The following BLK variants were observed in gnomAD, a reference collection of about 807,000 sequenced individuals.
BLK encodes the protein BLK proto-oncogene, Src family tyrosine kinase.
In BLK, 64 loss-of-function variants were observed where a neutral mutation model predicts 61.8. The observed-to-expected ratio is 1.03, with a 90% CI of 0.85 to 1.27. The LOEUF is 1.27. Among genes scored for constraint, BLK ranks in the 50% most tolerant of loss-of-function variants. The pLI, the probability that BLK is intolerant of heterozygous loss-of-function variation, is 0.00. For missense variants in BLK, 853 were observed against 660.5 expected (o/e 1.29, Z -3.19); for synonymous variants, 351 against 272.0 (o/e 1.29, Z -2.86).
At chr8:11,529,673 T>G (rs985439021) in intron 1 of BLK, among the ~76,000 whole-genome samples, 31 of 152,216 alleles carry the variant, frequency 2.0e-4, no homozygotes, top group Admixed American at 9.2e-4. Context: ...AGGGTTCTTC[T>G]GGAATGCGCT....
chr8:11,512,484 C>G (rs1369882232), intron 1 of BLK, among the ~76,000 whole-genome samples: 2 of 152,150 alleles, frequency 1.3e-5, no homozygotes, highest in Non-Finnish European at 2.9e-5. Context: ...TCAATTGGGT[C>G]TCAACAGAGA....
chr8:11,506,089 G>C (rs999984129), intron 1 of BLK, among the ~76,000 whole-genome samples: 1 of 152,228 alleles, frequency 6.6e-6, no homozygotes, highest in Non-Finnish European at 1.5e-5. Flanking sequence ...GGTGCACGTG[G>C]CTCTTCATCC....
At chr8:11,522,290 G>A (rs1799483685) in intron 1 of BLK, among the ~76,000 whole-genome samples, 1 of 152,018 alleles carries the variant, frequency 6.6e-6, no homozygotes, top group African/African-American at 2.4e-5. Flanking sequence ...ATATAATCAA[G>A]GGAAACAAAT....
intron 10 of BLK, chr8:11,558,613 T>C (rs2467518): frequency 1 from 454,501 of 454,862 alleles, 227,071 homozygotes; most frequent in Middle Eastern, 1. Context: ...TGGACCTCCT[T>C]GGCTACCCAG....
chr8:11,539,947 A>G (rs1476627362), intron 1 of BLK, among the ~76,000 whole-genome samples: 2 of 152,230 alleles, frequency 1.3e-5, no homozygotes, highest in African/African-American at 4.8e-5. Flanking sequence ...TATTATGAAT[A>G]CACATTTATC....
At chr8:11,557,829 A>C in intron 9 of BLK, 133 bp from the exon 10 acceptor site, 1 of 740,546 alleles carries the variant, frequency 1.4e-6, no homozygotes, top group Non-Finnish European at 2.4e-6. Flanking sequence ...ATCCTTCCTG[A>C]TGCACCGAGA....
intron 7 of BLK, 64 bp from the exon 8 acceptor site, chr8:11,555,267 AG>A: frequency 6.2e-7 from 1 of 1,608,184 alleles, no homozygotes; most frequent in East Asian, 2.2e-5. Context: ...GGAATGATAC[AG>A]CTCCCAAGGT....
At position 11,550,189 on chromosome 8, in the gene BLK, G is replaced by T. The variant is rs956730553; in HGVS notation, c.399G>T (p.Glu133Asp). ...RWFFRSQGRKEAERQLLAPIN... is the reference protein window; with the variant it reads ...RWFFRSQGRKDAERQLLAPIN... ...TCTTTAGATCACAGGGTCGGAAGGAGGCTGAGAGGCAGCTTCTTGCTCCAA... is the reference window on the plus strand; with the variant it reads ...TCTTTAGATCACAGGGTCGGAAGGATGCTGAGAGGCAGCTTCTTGCTCCAA... Residue 133 changes from glutamate to aspartate, a missense_variant, in exon 6 of 13, where the codon GAG becomes GAT. Coordinates refer to ENST00000259089, the MANE Select transcript of BLK (RefSeq NM_001715.3). 1 of 1,614,186 alleles carries T rather than the reference G, an allele frequency of 6.2e-7. No individual in the cohort carries two copies. Among genetic ancestry groups the T allele is most frequent in the Non-Finnish European group, 8.5e-7 (1 of 1,180,034 alleles).
At chr8:11,533,572 C>T (rs1799982892) in intron 1 of BLK, among the ~76,000 whole-genome samples, 1 of 143,268 alleles carries the variant, frequency 7.0e-6, no homozygotes, top group African/African-American at 2.6e-5. Flanking sequence ...TCAGTTTCTT[C>T]CCTGTCTGCC....
chr8:11,530,171 G>A (rs914843751), intron 1 of BLK, among the ~76,000 whole-genome samples: 1 of 152,100 alleles, frequency 6.6e-6, no homozygotes, highest in Non-Finnish European at 1.5e-5. Flanking sequence ...GGCTTTGCTG[G>A]AATTTTTTTC....
intron 1 of BLK, among the ~76,000 whole-genome samples, chr8:11,508,737 A>C (rs1798877890): frequency 6.6e-6 from 1 of 152,220 alleles, no homozygotes; most frequent in African/African-American, 2.4e-5. Context: ...CAGCCACTGT[A>C]GTGTCAGCTG....
intron 1 of BLK, among the ~76,000 whole-genome samples, chr8:11,500,503 T>C (rs1164363087): frequency 6.6e-6 from 1 of 151,720 alleles, no homozygotes; most frequent in African/African-American, 2.4e-5. Context: ...GCCTGTTTTT[T>C]TGTTTTGTTT....
chr8:11,561,517 C>A, intron 11 of BLK, 65 bp downstream of exon 11: 7 of 1,576,376 alleles, frequency 4.4e-6, no homozygotes, highest in African/African-American at 1.4e-5. Context: ...CTCAAAGCCG[C>A]CTTTAACTTC....
At chr8:11,522,573 A>T (rs1282914364) in intron 1 of BLK, among the ~76,000 whole-genome samples, 24 of 152,166 alleles carry the variant, frequency 1.6e-4, no homozygotes, top group Admixed American at 1.6e-3. Flanking sequence ...CAGGGAATGT[A>T]TGAGGTTGCC....
intron 1 of BLK, among the ~76,000 whole-genome samples, chr8:11,535,297 A>AAAG (rs1200276463): frequency 4.8e-5 from 7 of 146,112 alleles, no homozygotes; most frequent in African/African-American, 1.7e-4. Flanking sequence ...AGAAAGAAAG[A>AAAG]AAGAAAGAAA....
intron 1 of BLK, among the ~76,000 whole-genome samples, chr8:11,522,959 T>C (rs1425680950): frequency 1.3e-5 from 2 of 152,160 alleles, no homozygotes; most frequent in Admixed American, 6.5e-5. Context: ...TGTATCTTCA[T>C]ATCTGGAACA....
chr8:11,521,621 A>C (rs1358778242), intron 1 of BLK, among the ~76,000 whole-genome samples: 1 of 152,200 alleles, frequency 6.6e-6, no homozygotes, highest in Non-Finnish European at 1.5e-5. Context: ...ATTTGGATTC[A>C]ATAGTCAAGA....
At chr8:11,536,645 T>C (rs1800144569) in intron 1 of BLK, among the ~76,000 whole-genome samples, 1 of 152,182 alleles carries the variant, frequency 6.6e-6, no homozygotes, top group Admixed American at 6.5e-5. Context: ...TGACCTCAAA[T>C]GATCTCCCAC....
At chr8:11,518,388 G>A (rs1328323179) in intron 1 of BLK, among the ~76,000 whole-genome samples, 1 of 152,124 alleles carries the variant, frequency 6.6e-6, no homozygotes, top group South Asian at 2.1e-4. Flanking sequence ...GCTAGATACT[G>A]GGTTCTGATT....
Sources: gnomAD v4.1 joint callset for allele counts (sites outside exome capture counted in the v4.1 genomes callset) on GRCh38, gnomAD v4.1.1 for gene constraint, MANE v1.5 for transcripts, NCBI Gene and HGNC (gene_info 2026-07-23, HGNC 2026-07-21) for gene names.